The following KCNH8 variants were observed in gnomAD, a reference collection of about 807,000 sequenced individuals.
KCNH8 encodes the protein voltage-gated delayed rectifier potassium channel KCNH8.
In KCNH8, 70 loss-of-function variants were observed where a neutral mutation model predicts 103.6. That is an observed-to-expected ratio of 0.68 (90% CI 0.56 to 0.82). The LOEUF (loss-of-function observed/expected upper bound fraction) is 0.82. Among genes scored for constraint, KCNH8 ranks in the 40% least tolerant of loss-of-function variants. The pLI, the probability that KCNH8 is intolerant of heterozygous loss-of-function variation, is 0.00. For missense variants in KCNH8, 1,217 were observed against 1,329.9 expected (o/e 0.92, Z 1.32); for synonymous variants, 498 against 489.4 (o/e 1.02, Z -0.23).
intron 2 of KCNH8, among the ~76,000 whole-genome samples, chr3:19,275,496 G>A (rs764897591): frequency 2.0e-5 from 3 of 152,020 alleles, no homozygotes; most frequent in Admixed American, 6.6e-5. Context: ...GTATTGACCC[G>A]ACGTAAATTC....
intron 5 of KCNH8, among the ~76,000 whole-genome samples, chr3:19,364,317 A>C (rs143735305): frequency 6.6e-6 from 1 of 152,244 alleles, no homozygotes; most frequent in African/African-American, 2.4e-5. Flanking sequence ...TCTAGGATTG[A>C]GTAATAGGGT....
At chr3:19,503,085 AAAAC>A (rs1158644278) in intron 11 of KCNH8, among the ~76,000 whole-genome samples, 10 of 151,670 alleles carry the variant, frequency 6.6e-5, no homozygotes, top group East Asian at 1.9e-4. Context: ...TTACAAGAAA[AAAAC>A]AAACAACCCC....
chr3:19,171,547 C>T (rs1430355962), intron 1 of KCNH8, among the ~76,000 whole-genome samples: 2 of 149,006 alleles, frequency 1.3e-5, no homozygotes, highest in African/African-American at 5.2e-5. Flanking sequence ...CTTCAATTTT[C>T]GAGTATTCAT....
At chr3:19,472,856 C>T (rs939862629) in intron 11 of KCNH8, among the ~76,000 whole-genome samples, 1 of 152,152 alleles carries the variant, frequency 6.6e-6, no homozygotes, top group African/African-American at 2.4e-5. Context: ...AAACAAAATA[C>T]ATCTCATCTT....
intron 5 of KCNH8, among the ~76,000 whole-genome samples, chr3:19,382,392 A>C (rs962463491): frequency 6.6e-6 from 1 of 152,198 alleles, no homozygotes; most frequent in African/African-American, 2.4e-5. Context: ...GTATCATTAA[A>C]TAGACGTATT....
chr3:19,350,043 A>C (rs1449706639), intron 5 of KCNH8, among the ~76,000 whole-genome samples: 1 of 152,150 alleles, frequency 6.6e-6, no homozygotes, highest in African/African-American at 2.4e-5. Flanking sequence ...TTTTATAAGC[A>C]GTAAAAACTT....
intron 5 of KCNH8, among the ~76,000 whole-genome samples, chr3:19,353,741 A>C (rs2065838849): frequency 6.6e-6 from 1 of 152,200 alleles, no homozygotes; most frequent in Non-Finnish European, 1.5e-5. Context: ...TCTCAAAATA[A>C]TAAGCGCTAT....
chr3:19,383,475 G>C (rs112540187), intron 5 of KCNH8, among the ~76,000 whole-genome samples: 1 of 151,690 alleles, frequency 6.6e-6, no homozygotes, highest in African/African-American at 2.4e-5. Context: ...GCCTCCAAGC[G>C]ATTCTTCTGC....
intron 7 of KCNH8, among the ~76,000 whole-genome samples, chr3:19,404,638 A>G (rs1051664180): frequency 6.6e-6 from 1 of 151,968 alleles, no homozygotes; most frequent in Non-Finnish European, 1.5e-5. Context: ...GTCTCACACA[A>G]GAACTACTGA....
At chr3:19,484,524 G>C (rs771754549) in intron 11 of KCNH8, among the ~76,000 whole-genome samples, 3 of 152,112 alleles carry the variant, frequency 2.0e-5, no homozygotes, top group Non-Finnish European at 4.4e-5. Context: ...AGGGCTTGTC[G>C]TCCTCCTCAG....
chr3:19,306,148 A>G (rs1022549012), intron 3 of KCNH8, among the ~76,000 whole-genome samples: 5 of 152,084 alleles, frequency 3.3e-5, no homozygotes, highest in African/African-American at 1.2e-4. Flanking sequence ...TTATCAAAGA[A>G]AAATGTTCAG....
chr3:19,283,606 T>A (rs978853124), intron 3 of KCNH8, among the ~76,000 whole-genome samples: 1 of 152,002 alleles, frequency 6.6e-6, no homozygotes, highest in Non-Finnish European at 1.5e-5. Context: ...GTAGTATTTT[T>A]AGAAAGACAG....
At chr3:19,216,145 C>T (rs961153515) in intron 1 of KCNH8, among the ~76,000 whole-genome samples, 1 of 152,192 alleles carries the variant, frequency 6.6e-6, no homozygotes, top group African/African-American at 2.4e-5. Context: ...ACCTATCATT[C>T]ACAAACAACT....
intron 7 of KCNH8, among the ~76,000 whole-genome samples, chr3:19,405,687 A>G (rs1005792020): frequency 1.2e-4 from 19 of 152,086 alleles, no homozygotes; most frequent in African/African-American, 3.8e-4. Context: ...ACATGACATA[A>G]TAGAACAATT....
intron 5 of KCNH8, among the ~76,000 whole-genome samples, chr3:19,371,680 T>A (rs1265960428): frequency 6.6e-6 from 1 of 151,156 alleles, no homozygotes; most frequent in Non-Finnish European, 1.5e-5. Flanking sequence ...CATGAAGTCC[T>A]TGCCCATGCC....
chr3:19,351,761 G>A (rs1003558796), intron 5 of KCNH8, among the ~76,000 whole-genome samples: 5 of 152,046 alleles, frequency 3.3e-5, no homozygotes, highest in East Asian at 3.9e-4. Flanking sequence ...AGGAACAACC[G>A]GTACCAGCCA....
At chr3:19,509,808 G>GAA (rs957414691) in intron 11 of KCNH8, among the ~76,000 whole-genome samples, 3 of 152,104 alleles carry the variant, frequency 2.0e-5, no homozygotes, top group Non-Finnish European at 4.4e-5. Context: ...TGAGATAGTG[G>GAA]AAAACAAGTG....
chr3:19,352,647 G>A (rs549137998), intron 5 of KCNH8, among the ~76,000 whole-genome samples: 9 of 152,072 alleles, frequency 5.9e-5, no homozygotes, highest in Admixed American at 1.3e-4. Context: ...GATACATAAC[G>A]AAATGAAGGC....
chr3:19,283,628 T>C (rs2125275766), intron 3 of KCNH8, among the ~76,000 whole-genome samples: 1 of 152,044 alleles, frequency 6.6e-6, no homozygotes, highest in Non-Finnish European at 1.5e-5. Flanking sequence ...GTAACTGTTG[T>C]AAGTCACTAT....
Sources: gnomAD v4.1 joint callset for allele counts (sites outside exome capture counted in the v4.1 genomes callset) on GRCh38, gnomAD v4.1.1 for gene constraint, MANE v1.5 for transcripts, NCBI Gene and HGNC (gene_info 2026-07-23, HGNC 2026-07-21) for gene names.